Variants in KLHDC10 observed in about 807,000 individuals in gnomAD.
The protein encoded by KLHDC10 is kelch domain containing 10, also known as kelch domain-containing protein 10.
In KLHDC10, 24 loss-of-function variants were observed where a neutral mutation model predicts 56.1. The observed-to-expected ratio is 0.43, with a 90% CI of 0.31 to 0.60. The LOEUF is 0.60. KLHDC10 is among the 20% of genes least tolerant of loss of function. The pLI is 0.11. For missense variants in KLHDC10, 349 were observed against 567.0 expected (o/e 0.62, Z 3.91); for synonymous variants, 188 against 207.1 (o/e 0.91, Z 0.79).
intron 1 of KLHDC10, among the ~76,000 whole-genome samples, chr7:130,095,774 G>A (rs1264920888): frequency 6.6e-6 from 1 of 152,188 alleles, no homozygotes; most frequent in Non-Finnish European, 1.5e-5. Context: ...ATTTAAGACA[G>A]GATAAAATAT....
chr7:130,090,700 C>A (rs1280813277), intron 1 of KLHDC10, among the ~76,000 whole-genome samples: 1 of 151,960 alleles, frequency 6.6e-6, no homozygotes, highest in Non-Finnish European at 1.5e-5. Context: ...TACAATAACA[C>A]AACTAGGAAA....
At chr7:130,128,889 A>AAAAAAAAAATATATAT in intron 8 of KLHDC10, among the ~76,000 whole-genome samples, 3 of 66,954 alleles carry the variant, frequency 4.5e-5, no homozygotes, top group African/African-American at 7.3e-5. Context: ...AAAAAAAAAA[A>AAAAAAAAAATATATAT]ATATATATAT....
At chr7:130,087,034 T>C (rs1795701239) in intron 1 of KLHDC10, among the ~76,000 whole-genome samples, 1 of 152,220 alleles carries the variant, frequency 6.6e-6, no homozygotes, top group Non-Finnish European at 1.5e-5. Context: ...CCCTTTTTTA[T>C]AGTTAAGGAA....
intron 1 of KLHDC10, among the ~76,000 whole-genome samples, chr7:130,071,912 A>C (rs1795417125): frequency 6.6e-6 from 1 of 152,240 alleles, no homozygotes; most frequent in Non-Finnish European, 1.5e-5. Flanking sequence ...GGAATTTAGC[A>C]CATTTAATGA....
chr7:130,114,577 C>T (rs562754722), intron 2 of KLHDC10, among the ~76,000 whole-genome samples: 290 of 152,192 alleles, frequency 1.9e-3, no homozygotes, highest in Non-Finnish European at 3.2e-3. Context: ...TCTTCCACAC[C>T]ACACTTTCTG....
At chr7:130,095,211 T>A (rs952045175) in intron 1 of KLHDC10, among the ~76,000 whole-genome samples, 22 of 151,934 alleles carry the variant, frequency 1.4e-4, no homozygotes, top group South Asian at 4.1e-4. Context: ...ACATTAAAAA[T>A]ATATATATAC....
At chr7:130,126,981 G>A (rs553198785) in intron 7 of KLHDC10, among the ~76,000 whole-genome samples, 95 of 152,318 alleles carry the variant, frequency 6.2e-4, no homozygotes, top group African/African-American at 1.9e-3. Context: ...GTGTGCACCT[G>A]TAGTCCCAGT....
chr7:130,089,160 T>C (rs1243009283), intron 1 of KLHDC10, among the ~76,000 whole-genome samples: 3 of 152,120 alleles, frequency 2.0e-5, no homozygotes, highest in African/African-American at 7.2e-5. Flanking sequence ...ATCTTTTAAA[T>C]TTTTCCCCTT....
At chr7:130,118,199 T>G (rs79885812) in intron 3 of KLHDC10, among the ~76,000 whole-genome samples, 7,855 of 152,194 alleles carry the variant, frequency 0.052, 278 homozygotes, top group South Asian at 0.14. Context: ...TAAAAAAAAT[T>G]AAAAATCTGT....
intron 1 of KLHDC10, among the ~76,000 whole-genome samples, chr7:130,079,981 G>C (rs1289840680): frequency 1.4e-5 from 2 of 139,306 alleles, no homozygotes; most frequent in Admixed American, 1.5e-4. Flanking sequence ...TCCCTCTGTC[G>C]CCCAGGTTGG....
intron 6 of KLHDC10, 139 bp downstream of exon 6, chr7:130,124,674 T>A: frequency 1.8e-6 from 1 of 564,382 alleles, no homozygotes; most frequent in Non-Finnish European, 3.2e-6. Flanking sequence ...TTGTGTTGGA[T>A]GCACTTTATA....
intron 2 of KLHDC10, among the ~76,000 whole-genome samples, chr7:130,110,656 G>T (rs2140876): frequency 0.13 from 20,369 of 152,168 alleles, 1,563 homozygotes; most frequent in East Asian, 0.31. Context: ...AGGCTTCTAG[G>T]TCCAACAGAA....
At position 130,130,735 on chromosome 7, in the gene KLHDC10, C is replaced by T. The variant is rs779929816; in HGVS notation, c.1318C>T (p.Arg440Cys). 8.7e-6 allele frequency: 14 copies of T among 1,613,808 alleles called. No homozygotes were observed. The highest frequency in any genetic ancestry group is 1.3e-5 in the African/African-American group (1 of 74,896). ...TGGACTCACACAGGGACTCATCGAA[C>T]GCTTGAAATGAGGATTTCTGGACTG... The part of the protein sequence containing the change: ...HLGLTQGLIE[R>C]LK The change falls in exon 10 of 10, where the codon CGC (arginine) becomes TGC (cysteine). Residue 440 changes from arginine (R) to cysteine (C), a missense_variant. Physicochemically the swap from Arg to Cys is radical, Grantham distance 180. Around this residue, in one of 2 missense-constraint regions of KLHDC10, gnomAD observed 245 missense variants for 470.1 expected, o/e 0.52. Transcript: ENST00000335420. This position sits in a 1 kb window ranked among gnomAD's most constrained non-coding sequence, Gnocchi z 4.2.
At chr7:130,113,762 T>G (rs1010496455) in intron 2 of KLHDC10, among the ~76,000 whole-genome samples, 1 of 152,236 alleles carries the variant, frequency 6.6e-6, no homozygotes, top group African/African-American at 2.4e-5. Flanking sequence ...AACATTACTT[T>G]CCCTGCTGTA....
intron 1 of KLHDC10, among the ~76,000 whole-genome samples, chr7:130,088,436 G>C (rs1795721997): frequency 6.7e-6 from 1 of 149,740 alleles, no homozygotes. Context: ...CACCACGCCT[G>C]GCTAATTTTT....
intron 1 of KLHDC10, among the ~76,000 whole-genome samples, chr7:130,087,933 G>A (rs944830317): frequency 4.6e-5 from 7 of 151,594 alleles, no homozygotes; most frequent in Non-Finnish European, 7.4e-5. Context: ...GCTAATTTTT[G>A]TATCTTTAGT....
rs1796382654 is a variant in KLHDC10 at position 130,130,335 on chromosome 7, AT to A, written c.1120-201del. On this transcript the variant is annotated intron_variant, in intron 9 of 9. Transcript: ENST00000335420. The surrounding 1 kb of genome is among the most constrained non-coding windows in gnomAD (Gnocchi z 4.2). ...AGACTCTGTCTCAAAAAAAAAAAAA[AT>A]CATATATATATATATATAGTTTTTC... 1.8e-4 allele frequency among the ~76,000 whole-genome samples: 5 copies of A among 27,778 alleles called. No individual in the cohort carries two copies. Among genetic ancestry groups the A allele is most frequent in the African/African-American group, 3.8e-4 (2 of 5,234 alleles). 18.2% of individuals were successfully genotyped at this position (27,778 alleles called of 152,430 possible). A position where few individuals can be genotyped will look rare whatever the true frequency, so the allele number is the denominator to read the frequency against.
intron 2 of KLHDC10, among the ~76,000 whole-genome samples, chr7:130,108,237 A>C (rs1033320693): frequency 4.6e-5 from 7 of 151,868 alleles, no homozygotes; most frequent in Non-Finnish European, 1.0e-4. Flanking sequence ...AAAAAAAAAG[A>C]AAAAAGAAAC....
intron 2 of KLHDC10, among the ~76,000 whole-genome samples, chr7:130,104,143 G>A (rs938377938): frequency 2.0e-5 from 3 of 152,100 alleles, no homozygotes; most frequent in African/African-American, 7.2e-5. Context: ...AGTGGAAGTG[G>A]ATCATCATAA....
Sources: allele counts gnomAD v4.1 joint callset (sites outside exome capture counted in the v4.1 genomes callset), GRCh38; gene constraint gnomAD v4.1.1; regional missense constraint gnomAD v4.1.1; non-coding constraint Gnocchi (gnomAD v3.1); transcripts MANE v1.5; gene names NCBI Gene and HGNC (gene_info 2026-07-23, HGNC 2026-07-21).